Variants in LINGO2 observed in about 807,000 individuals in gnomAD.
The protein encoded by LINGO2 is leucine rich repeat and Ig domain containing 2.
Under a neutral mutation model 30.6 loss-of-function variants are expected in LINGO2, and 14 were observed. The observed-to-expected ratio is 0.46, with a 90% CI of 0.30 to 0.72. The LOEUF is 0.72. Ranked by LOEUF, LINGO2 falls within the 30% of genes least tolerant of loss-of-function variation. The probability of loss-of-function intolerance (pLI) is 0.07; values close to 1 mark genes in which losing one functional copy is unlikely to be tolerated. For missense variants in LINGO2, 729 were observed against 751.7 expected, an observed-to-expected ratio of 0.97 and a Z score of 0.35; for synonymous variants, 317 against 288.5, an observed-to-expected ratio of 1.10 and a Z score of -1.00.
the LINGO2 span, among the ~76,000 whole-genome samples, chr9:28,736,141 T>G: frequency 6.6e-6 from 1 of 152,202 alleles, no homozygotes; most frequent in Non-Finnish European, 1.5e-5. Context: ...CTCTTGGTTC[T>G]GTCAGGACAT....
the LINGO2 span, among the ~76,000 whole-genome samples, chr9:29,036,029 G>T: frequency 6.6e-6 from 1 of 152,050 alleles, no homozygotes; most frequent in African/African-American, 2.4e-5. Flanking sequence ...TCACAGAATG[G>T]TGGGGATAGT....
At chr9:28,065,180 T>C (rs1825274716) in intron 4 of LINGO2, among the ~76,000 whole-genome samples, 1 of 151,590 alleles carries the variant, frequency 6.6e-6, no homozygotes, top group Non-Finnish European at 1.5e-5. Context: ...TTGGTTTTTC[T>C]GATCTCCAAG....
the LINGO2 span, among the ~76,000 whole-genome samples, chr9:28,854,980 A>T: frequency 1.9e-3 from 291 of 152,126 alleles, 1 homozygote; most frequent in Middle Eastern, 6.8e-3. Context: ...ATTACTATAT[A>T]TTAAGTAATA....
At chr9:28,814,005 C>T in the LINGO2 span, among the ~76,000 whole-genome samples, 2 of 151,982 alleles carry the variant, frequency 1.3e-5, no homozygotes, top group Non-Finnish European at 2.9e-5. Flanking sequence ...GGCCAGGAAG[C>T]ATATATATAC....
At chr9:28,741,857 C>T in the LINGO2 span, among the ~76,000 whole-genome samples, 4 of 151,648 alleles carry the variant, frequency 2.6e-5, no homozygotes, top group African/African-American at 7.3e-5. Context: ...TGTCTGAAAT[C>T]GGAGTCTAGT....
At chr9:28,398,159 G>A (rs750248546) in intron 2 of LINGO2, among the ~76,000 whole-genome samples, 16 of 152,130 alleles carry the variant, frequency 1.1e-4, no homozygotes, top group Non-Finnish European at 2.4e-4. Flanking sequence ...GAAATTATCT[G>A]CATAACCCAT....
At chr9:28,776,643 A>G in the LINGO2 span, among the ~76,000 whole-genome samples, 2 of 152,138 alleles carry the variant, frequency 1.3e-5, no homozygotes, top group Non-Finnish European at 2.9e-5. Flanking sequence ...GGCACGATGC[A>G]TACCAGGTAC....
At chr9:28,203,069 C>A (rs186514748) in intron 4 of LINGO2, among the ~76,000 whole-genome samples, 1 of 152,230 alleles carries the variant, frequency 6.6e-6, no homozygotes, top group East Asian at 1.9e-4. Flanking sequence ...GGAAATTATT[C>A]TTTAAAATTA....
the LINGO2 span, among the ~76,000 whole-genome samples, chr9:29,083,741 G>A: frequency 6.6e-6 from 1 of 152,028 alleles, no homozygotes; most frequent in Non-Finnish European, 1.5e-5. Flanking sequence ...AACAGAAATT[G>A]TGCTTTGGAT....
chr9:28,072,110 C>G (rs1825495971), intron 4 of LINGO2, among the ~76,000 whole-genome samples: 2 of 151,584 alleles, frequency 1.3e-5, no homozygotes, highest in African/African-American at 2.4e-5. Flanking sequence ...ATGATCTATT[C>G]TGGATGAATA....
At chr9:28,636,221 C>T (rs1392129045) in intron 1 of LINGO2, among the ~76,000 whole-genome samples, 1 of 152,094 alleles carries the variant, frequency 6.6e-6, no homozygotes, top group African/African-American at 2.4e-5. Flanking sequence ...TCCAGTCTAT[C>T]GTTGATGGAC....
At chr9:28,277,336 T>C (rs890104281) in intron 4 of LINGO2, among the ~76,000 whole-genome samples, 2 of 152,158 alleles carry the variant, frequency 1.3e-5, no homozygotes, top group Non-Finnish European at 1.5e-5. Context: ...AACCGATAAA[T>C]GTATGTGTTC....
At chr9:28,175,006 AT>A (rs1238781167) in intron 4 of LINGO2, among the ~76,000 whole-genome samples, 1 of 151,888 alleles carries the variant, frequency 6.6e-6, no homozygotes, top group Non-Finnish European at 1.5e-5. Flanking sequence ...CTGGCCAAGT[AT>A]TGTATAAGGG....
intron 2 of LINGO2, among the ~76,000 whole-genome samples, chr9:28,377,099 A>C (rs1265037830): frequency 6.6e-6 from 1 of 151,570 alleles, no homozygotes. Context: ...ATTAAAATAC[A>C]GTTGACCCAT....
rs145377997 is a variant in LINGO2, at chr9:28,427,199, C to T, written c.-279+48741G>A. On this transcript the variant is annotated intron_variant, in intron 2 of 5. Transcript: ENST00000379992. Reference sequence around the variant, plus strand: ...TGCAAGGGATACAAATATGTTAAAACACAAGAAGACATAGTCTAGAGGAGT... The same window carrying T: ...TGCAAGGGATACAAATATGTTAAAATACAAGAAGACATAGTCTAGAGGAGT... Among the ~76,000 whole-genome samples the T allele has an allele frequency of 2.1e-3, 324 of 152,094 alleles. 1 individual carries two copies. Among genetic ancestry groups the T allele is most frequent in the African/African-American group, 7.4e-3 (309 of 41,510 alleles).
chr9:28,663,382 G>A (rs1374551452), intron 1 of LINGO2, among the ~76,000 whole-genome samples: 1 of 152,114 alleles, frequency 6.6e-6, no homozygotes, highest in Non-Finnish European at 1.5e-5. Context: ...TATTGGTCAT[G>A]CTGGGCTTGA....
chr9:28,589,791 GA>G (rs1563846916), intron 1 of LINGO2, among the ~76,000 whole-genome samples: 1 of 151,678 alleles, frequency 6.6e-6, no homozygotes, highest in South Asian at 2.1e-4. Context: ...CACAGAATTG[GA>G]AAAAACTACT....
At chr9:28,498,415 C>T (rs1819745843) in intron 1 of LINGO2, among the ~76,000 whole-genome samples, 1 of 152,208 alleles carries the variant, frequency 6.6e-6, no homozygotes, top group Non-Finnish European at 1.5e-5. Context: ...GACTGCTGTG[C>T]TAGCAATGAG....
intron 3 of LINGO2, among the ~76,000 whole-genome samples, chr9:28,354,835 G>A (rs925363547): frequency 6.6e-6 from 1 of 152,070 alleles, no homozygotes; most frequent in Non-Finnish European, 1.5e-5. Context: ...TTGACAGGAG[G>A]TATGTTGTTG....
Sources: gnomAD v4.1 joint callset for allele counts (sites outside exome capture counted in the v4.1 genomes callset) on GRCh38, gnomAD v4.1.1 for gene constraint, MANE v1.5 for transcripts, NCBI Gene and HGNC (gene_info 2026-07-23, HGNC 2026-07-21) for gene names.